The following CRTAC1 variants were observed in gnomAD, a reference collection of about 807,000 sequenced individuals.
CRTAC1 encodes cartilage acidic protein 1, also known as acidic secreted protein in cartilage.
CRTAC1 carries 37 observed loss-of-function variants against 67.8 expected under a neutral mutation model. The ratio of observed to expected loss-of-function variants is 0.55; its 90% CI spans 0.42 to 0.72. The LOEUF is 0.72. CRTAC1 is among the 30% of genes least tolerant of loss of function. The pLI is 0.00. For missense variants in CRTAC1, 780 were observed against 931.6 expected (o/e 0.84, Z 2.12); for synonymous variants, 348 against 371.0 (o/e 0.94, Z 0.71).
intron 14 of CRTAC1, chr10:97,867,622 C>T (rs1241689786): frequency 6.6e-6 from 1 of 152,346 alleles, no homozygotes; most frequent in African/African-American, 2.4e-5. Context: ...TATGCCCTCC[C>T]TGGGCCCCTG....
intron 2 of CRTAC1, among the ~76,000 whole-genome samples, chr10:97,977,506 T>A (rs1590257121): frequency 6.7e-6 from 1 of 148,610 alleles, no homozygotes; most frequent in Non-Finnish European, 1.5e-5. Context: ...GCTACTGCAA[T>A]GATGTTCCTG....
intron 2 of CRTAC1, among the ~76,000 whole-genome samples, chr10:97,979,224 A>G (rs898035475): frequency 2.0e-5 from 3 of 152,162 alleles, no homozygotes; most frequent in Admixed American, 6.5e-5. Context: ...CAAACTGCTA[A>G]AGCGTGGTCC....
chr10:97,906,876 G>A lies in CRTAC1; in HGVS notation c.850+1137C>T, dbSNP rs138805434. ...AATCCAAGAGAACAGACTGGCACAC[G>A]TGCAGGGATTCGATGTGAACTGCTG... On this transcript the variant is annotated intron_variant, in intron 6 of 14. Coordinates refer to ENST00000370597, the MANE Select transcript of CRTAC1 (RefSeq NM_018058.7). Among the ~76,000 whole-genome samples the A allele has an allele frequency of 1.8e-3, 277 of 152,328 alleles. 1 individual carries two copies. Among genetic ancestry groups the A allele is most frequent in the Middle Eastern group, 3.4e-3 (1 of 294 alleles).
chr10:98,022,009 A>G (rs1843132499), intron 1 of CRTAC1, among the ~76,000 whole-genome samples: 1 of 152,228 alleles, frequency 6.6e-6, no homozygotes, highest in East Asian at 1.9e-4. Context: ...CAAGGAGCTT[A>G]CAATCTACCA....
At chr10:97,922,332 G>A (rs2050852790) in intron 4 of CRTAC1, among the ~76,000 whole-genome samples, 1 of 152,190 alleles carries the variant, frequency 6.6e-6, no homozygotes, top group Non-Finnish European at 1.5e-5. Context: ...TTCTCCCAAG[G>A]CCTGGAGGCC....
Position 97,880,401 on chromosome 10 carries a change from C to T in CRTAC1, c.1676-9G>A, listed in dbSNP as rs372097849. On this transcript the variant is annotated splice_polypyrimidine_tract_variant and intron_variant, in intron 13 of 14. Transcript: ENST00000370597. ...GATGCATTCATTGGTGTCTGCAAGG[C>T]GAGGGGAACCACTCACCATGAAGGT... 4.1e-4 allele frequency: 660 copies of T among 1,611,410 alleles called. No homozygotes were observed. The highest frequency in any genetic ancestry group is 5.3e-4 in the Non-Finnish European group (627 of 1,177,830).
At chr10:97,962,322 C>G (rs1365645959) in intron 2 of CRTAC1, among the ~76,000 whole-genome samples, 1 of 145,316 alleles carries the variant, frequency 6.9e-6, no homozygotes, top group African/African-American at 2.6e-5. Flanking sequence ...CAGGACACTG[C>G]GTCAGTAAGA....
At chr10:98,012,286 T>C (rs1450781224) in intron 1 of CRTAC1, among the ~76,000 whole-genome samples, 1 of 151,806 alleles carries the variant, frequency 6.6e-6, no homozygotes, top group African/African-American at 2.4e-5. Flanking sequence ...CAGATGAAAA[T>C]GGCCAAGGAG....
chr10:97,939,299 T>C (rs916204315), intron 2 of CRTAC1, among the ~76,000 whole-genome samples: 3 of 152,188 alleles, frequency 2.0e-5, no homozygotes, highest in South Asian at 2.1e-4. Context: ...GGCTCTCTTC[T>C]TTAAAGAGTT....
At chr10:97,945,615 G>A (rs964847510) in intron 2 of CRTAC1, among the ~76,000 whole-genome samples, 22 of 152,166 alleles carry the variant, frequency 1.4e-4, no homozygotes, top group Middle Eastern at 3.2e-3. Context: ...GGTTCTGGGC[G>A]TGATGAGAAA....
chr10:97,936,449 G>T, intron 2 of CRTAC1, 83 bp from the exon 3 acceptor site: 1 of 1,179,488 alleles, frequency 8.5e-7, no homozygotes, highest in Non-Finnish European at 1.2e-6. Context: ...CGGGCTGGGA[G>T]TCCTCCCGGA....
chr10:98,016,656 T>C (rs1193427162), intron 1 of CRTAC1, among the ~76,000 whole-genome samples: 1 of 152,166 alleles, frequency 6.6e-6, no homozygotes, highest in African/African-American at 2.4e-5. Context: ...CAGTTTCTGA[T>C]TGAACTGGTC....
intron 12 of CRTAC1, among the ~76,000 whole-genome samples, chr10:97,883,631 C>T (rs145264794): frequency 3.2e-4 from 48 of 152,322 alleles, no homozygotes; most frequent in African/African-American, 1.2e-3. Flanking sequence ...CCTGAGCTTC[C>T]CTGAGTTTTA....
At chr10:97,898,933 C>A (rs1333434875) in intron 8 of CRTAC1, among the ~76,000 whole-genome samples, 1 of 152,124 alleles carries the variant, frequency 6.6e-6, no homozygotes, top group African/African-American at 2.4e-5. Flanking sequence ...AGAGGGCTCC[C>A]TTTCACTCTC....
At chr10:97,867,661 C>A (rs545813330) in intron 14 of CRTAC1, 7 of 152,266 alleles carry the variant, frequency 4.6e-5, no homozygotes, top group Middle Eastern at 3.4e-3. Context: ...CTGACCTGTG[C>A]ATCTCCCATG....
chr10:97,888,160 T>C (rs1300287965), intron 11 of CRTAC1, among the ~76,000 whole-genome samples: 2 of 152,172 alleles, frequency 1.3e-5, no homozygotes. Flanking sequence ...GTGCAGGGAT[T>C]TGGGATTCAA....
intron 2 of CRTAC1, among the ~76,000 whole-genome samples, chr10:97,953,331 C>T (rs1160036279): frequency 6.6e-6 from 1 of 152,098 alleles, no homozygotes; most frequent in Non-Finnish European, 1.5e-5. Flanking sequence ...CCATAACACT[C>T]TCTTTTAGAG....
intron 2 of CRTAC1, among the ~76,000 whole-genome samples, chr10:98,008,729 T>C (rs772036835): frequency 9.2e-5 from 14 of 152,118 alleles, no homozygotes; most frequent in Non-Finnish European, 1.8e-4. Flanking sequence ...CACATTAACC[T>C]GAGGGAATAC....
intron 2 of CRTAC1, among the ~76,000 whole-genome samples, chr10:97,995,909 C>T (rs935043627): frequency 5.3e-5 from 8 of 151,982 alleles, no homozygotes; most frequent in Admixed American, 5.2e-4. Flanking sequence ...ATCTGTAATC[C>T]TAGGATTTTG....
Sources: allele counts gnomAD v4.1 joint callset (sites outside exome capture counted in the v4.1 genomes callset), GRCh38; gene constraint gnomAD v4.1.1; transcripts MANE v1.5; gene names NCBI Gene and HGNC (gene_info 2026-07-23, HGNC 2026-07-21).